The following PPARGC1A variants were observed in gnomAD, a reference collection of about 807,000 sequenced individuals.
The protein encoded by PPARGC1A is peroxisome proliferator-activated receptor gamma coactivator 1-alpha.
Under a neutral mutation model 88.7 loss-of-function variants are expected in PPARGC1A, and 25 were observed. The ratio of observed to expected loss-of-function variants is 0.28; its 90% CI spans 0.21 to 0.39. The LOEUF (loss-of-function observed/expected upper bound fraction) is 0.39, where lower values mean the gene tolerates loss of function less well. Ranked by LOEUF, PPARGC1A falls within the 10% of genes least tolerant of loss-of-function variation. The probability of loss-of-function intolerance (pLI) is 1.00; values close to 1 mark genes in which losing one functional copy is unlikely to be tolerated. For synonymous variants in PPARGC1A, 363 were observed against 355.6 expected (o/e 1.02, Z -0.24); for missense variants, 880 against 968.7 (o/e 0.91, Z 1.22).
At chr4:24,252,981 A>C in the PPARGC1A span, among the ~76,000 whole-genome samples, 1 of 152,194 alleles carries the variant, frequency 6.6e-6, no homozygotes, top group Non-Finnish European at 1.5e-5. Context: ...GAATATTCCT[A>C]ACTTGGAAAA....
chr4:23,826,730 G>A (rs1339467726), intron 5 of PPARGC1A, among the ~76,000 whole-genome samples: 1 of 151,980 alleles, frequency 6.6e-6, no homozygotes, highest in African/African-American at 2.4e-5. Flanking sequence ...TTTGTCAACA[G>A]GTTTTGTTCT....
At chr4:24,429,551 T>C in the PPARGC1A span, among the ~76,000 whole-genome samples, 4 of 150,806 alleles carry the variant, frequency 2.7e-5, no homozygotes, top group South Asian at 6.3e-4. Flanking sequence ...AGCTAGGACA[T>C]GAAAAACAAG....
At chr4:24,109,018 A>C in the PPARGC1A span, among the ~76,000 whole-genome samples, 30 of 144,604 alleles carry the variant, frequency 2.1e-4, no homozygotes, top group Admixed American at 1.6e-3. Context: ...ACACACACAC[A>C]CCACACACAC....
At chr4:23,910,208 C>CATATATAATATATAATATATT in the PPARGC1A span, among the ~76,000 whole-genome samples, 1 of 69,142 alleles carries the variant, frequency 1.4e-5, no homozygotes, top group East Asian at 3.0e-4. Context: ...AAAATTTATA[C>CATATATAATATATAATATATT]ATATATAATA....
At chr4:23,990,022 A>G in the PPARGC1A span, among the ~76,000 whole-genome samples, 1 of 141,540 alleles carries the variant, frequency 7.1e-6, no homozygotes, top group Non-Finnish European at 1.5e-5. Context: ...TTATATATAG[A>G]TATGTATATC....
chr4:24,074,665 T>C, the PPARGC1A span, among the ~76,000 whole-genome samples: 6 of 152,152 alleles, frequency 3.9e-5, no homozygotes, highest in African/African-American at 1.4e-4. Flanking sequence ...CATTCCTTCC[T>C]AGAATTCTCT....
chr4:23,939,391 G>A, the PPARGC1A span, among the ~76,000 whole-genome samples: 1 of 152,024 alleles, frequency 6.6e-6, no homozygotes, highest in Non-Finnish European at 1.5e-5. Flanking sequence ...AATACAATAA[G>A]CATACTCAAA....
intron 2 of PPARGC1A, among the ~76,000 whole-genome samples, chr4:23,843,153 T>C (rs150193174): frequency 1.3e-5 from 2 of 152,218 alleles, no homozygotes; most frequent in African/African-American, 4.8e-5. Flanking sequence ...ATAAAGTTCA[T>C]TTCAGTTCTG....
the PPARGC1A span, among the ~76,000 whole-genome samples, chr4:24,047,797 A>G: frequency 6.6e-6 from 1 of 152,212 alleles, no homozygotes; most frequent in African/African-American, 2.4e-5. Context: ...AATCCTATTC[A>G]TGAACCTACA....
chr4:24,060,213 A>G, the PPARGC1A span, among the ~76,000 whole-genome samples: 12 of 152,164 alleles, frequency 7.9e-5, no homozygotes, highest in Non-Finnish European at 1.8e-4. Flanking sequence ...AAGAGACAAT[A>G]AACAAACACA....
the PPARGC1A span, among the ~76,000 whole-genome samples, chr4:24,131,774 G>A: frequency 7.9e-5 from 12 of 152,256 alleles, no homozygotes; most frequent in East Asian, 1.9e-3. Flanking sequence ...GCCAATTAAT[G>A]TTGAAAATGA....
At chr4:24,413,166 T>TA in the PPARGC1A span, among the ~76,000 whole-genome samples, 1 of 151,294 alleles carries the variant, frequency 6.6e-6, no homozygotes, top group African/African-American at 2.4e-5. Context: ...CCGCCAACAG[T>TA]AAAGAGTACT....
At chr4:24,127,608 A>G in the PPARGC1A span, among the ~76,000 whole-genome samples, 1 of 151,798 alleles carries the variant, frequency 6.6e-6, no homozygotes, top group African/African-American at 2.4e-5. Flanking sequence ...TAGAGATAGA[A>G]CTTCATAAAA....
At chr4:24,160,912 G>A in the PPARGC1A span, among the ~76,000 whole-genome samples, 1 of 152,134 alleles carries the variant, frequency 6.6e-6, no homozygotes, top group Non-Finnish European at 1.5e-5. Context: ...ATACAGGGTT[G>A]GCTGAAGGCT....
the PPARGC1A span, among the ~76,000 whole-genome samples, chr4:24,471,782 A>AG: frequency 6.6e-6 from 1 of 152,208 alleles, no homozygotes; most frequent in South Asian, 2.1e-4. The surrounding 1 kb of genome is among the most constrained non-coding windows in gnomAD (Gnocchi z 5.4). Context: ...TCTGTGCCCC[A>AG]GGGGAGGCGC....
chr4:24,043,768 A>G, the PPARGC1A span, among the ~76,000 whole-genome samples: 1 of 152,202 alleles, frequency 6.6e-6, no homozygotes, highest in South Asian at 2.1e-4. Context: ...TACTTAAAAC[A>G]TAGCTATGGT....
chr4:24,453,780 CAA>C, the PPARGC1A span, among the ~76,000 whole-genome samples: 1 of 144,560 alleles, frequency 6.9e-6, no homozygotes, highest in Non-Finnish European at 1.5e-5. Context: ...AACTCTGTCT[CAA>C]AAAAAAAAAA....
the PPARGC1A span, among the ~76,000 whole-genome samples, chr4:24,122,880 T>C: frequency 9.9e-5 from 15 of 152,064 alleles, no homozygotes; most frequent in Non-Finnish European, 1.9e-4. Context: ...TGCTGGCAAT[T>C]TGAGGAACTA....
At chr4:24,452,775 A>T in the PPARGC1A span, among the ~76,000 whole-genome samples, 1 of 152,238 alleles carries the variant, frequency 6.6e-6, no homozygotes, top group Admixed American at 6.5e-5. Flanking sequence ...GACATAAAAA[A>T]TAGCGGCAAA....
Sources: gnomAD v4.1 joint callset for allele counts (sites outside exome capture counted in the v4.1 genomes callset) on GRCh38, gnomAD v4.1.1 for gene constraint, Gnocchi (gnomAD v3.1) non-coding constraint, MANE v1.5 for transcripts, NCBI Gene and HGNC (gene_info 2026-07-23, HGNC 2026-07-21) for gene names.